ITGA8: variants seen among roughly 807,000 people sequenced by gnomAD.
ITGA8 encodes integrin alpha-8.
In ITGA8, 91 loss-of-function variants were observed where a neutral mutation model predicts 142.3. The observed-to-expected ratio is 0.64, with a 90% confidence interval of 0.54 to 0.76. The LOEUF (loss-of-function observed/expected upper bound fraction) is 0.76, where lower values mean the gene tolerates loss of function less well. ITGA8 is among the 30% of genes least tolerant of loss of function. ITGA8 has a pLI of 0.00. For missense variants in ITGA8, 1,406 were observed against 1,327.7 expected, an observed-to-expected ratio of 1.06 and a Z score of -0.92; for synonymous variants, 505 against 485.2, an observed-to-expected ratio of 1.04 and a Z score of -0.54.
chr10:15,719,643 C>A lies in ITGA8; in HGVS notation c.129G>T (p.Val43=). The change falls in exon 1 of 30, where the codon GTG becomes GTT. Residue 43 remains valine (V), a synonymous_variant. Coordinates refer to ENST00000378076, the MANE Select transcript of ITGA8 (RefSeq NM_003638.3). ...GGCCGCTGTACACTGTGAGCTTTTCCACGTCCAGGTTGAACGCCTGACAGG... is the reference window on the plus strand; with the variant it reads ...GGCCGCTGTACACTGTGAGCTTTTCAACGTCCAGGTTGAACGCCTGACAGG... ...SPACQAFNLD[V]EKLTVYSGPK... is the part of the protein sequence containing the mutation. The A allele has an allele frequency of 6.5e-7, 1 of 1,534,660 alleles. No individual in the cohort carries two copies. Among genetic ancestry groups the A allele is most frequent in the Admixed American group, 2.2e-5 (1 of 44,524 alleles).
At chr10:15,717,848 A>G (rs529330109) in intron 2 of ITGA8, among the ~76,000 whole-genome samples, 13 of 152,382 alleles carry the variant, frequency 8.5e-5, no homozygotes, top group African/African-American at 3.1e-4. Flanking sequence ...AATATTCCGC[A>G]TAAATTCCAT....
At chr10:15,712,256 A>G (rs757614997) in intron 2 of ITGA8, among the ~76,000 whole-genome samples, 4 of 152,170 alleles carry the variant, frequency 2.6e-5, no homozygotes, top group Non-Finnish European at 5.9e-5. Context: ...AATAAAACCA[A>G]TAATTAGTCT....
At chr10:15,597,162 G>T in intron 21 of ITGA8, 45 bp downstream of exon 21, 1 of 1,452,026 alleles carries the variant, frequency 6.9e-7, no homozygotes, top group Non-Finnish European at 9.7e-7. Context: ...TCCCTGTGAA[G>T]TCCAGTTAGA....
intron 25 of ITGA8, among the ~76,000 whole-genome samples, chr10:15,570,610 CAAAAAAAAAAA>C (rs931457896): frequency 1.5e-4 from 6 of 40,040 alleles, no homozygotes; most frequent in Non-Finnish European, 2.0e-4. Context: ...AACTCCATCT[CAAAAAAAAAAA>C]AAAAAAAAAA....
chr10:15,668,993 T>C (rs1180596847), intron 8 of ITGA8, among the ~76,000 whole-genome samples: 25 of 152,326 alleles, frequency 1.6e-4, no homozygotes, highest in Non-Finnish European at 5.9e-5. Context: ...GATAATTATG[T>C]GTCTTGGAGT....
At chr10:15,618,837 A>G (rs1189017935) in intron 13 of ITGA8, among the ~76,000 whole-genome samples, 5 of 152,128 alleles carry the variant, frequency 3.3e-5, no homozygotes, top group Non-Finnish European at 7.4e-5. Context: ...TCACCTTGTC[A>G]TCGTGTGAGT....
chr10:15,688,339 C>T lies in ITGA8; in HGVS notation c.344-301G>A, dbSNP rs182424485. The stretch of plus-strand genomic sequence containing the variant: ...AAAAAAAAAATGCTGGGCGTGGTGG[C>T]TTATGCCTGTAGTCCCAGCTACTTG... On this transcript the variant is annotated intron_variant, in intron 2 of 29. Coordinates refer to ENST00000378076, the MANE Select transcript of ITGA8 (RefSeq NM_003638.3). Among the ~76,000 whole-genome samples the T allele has an allele frequency of 7.8e-3, 1,144 of 146,354 alleles. 17 individuals are homozygous for T. Among genetic ancestry groups the T allele is most frequent in the African/African-American group, 0.027 (1,067 of 40,098 alleles).
At chr10:15,668,207 A>T (rs1241359609) in intron 8 of ITGA8, among the ~76,000 whole-genome samples, 1 of 152,134 alleles carries the variant, frequency 6.6e-6, no homozygotes, top group East Asian at 1.9e-4. Flanking sequence ...GTGCTTCTGT[A>T]TTGGGTGCAT....
chr10:15,702,790 C>G (rs745744303), intron 2 of ITGA8, among the ~76,000 whole-genome samples: 1 of 152,144 alleles, frequency 6.6e-6, no homozygotes, highest in Non-Finnish European at 1.5e-5. Context: ...AAAGGTAGGG[C>G]TCAAAACTAT....
chr10:15,678,073 G>T (rs1346617411), intron 5 of ITGA8, among the ~76,000 whole-genome samples: 5 of 152,160 alleles, frequency 3.3e-5, no homozygotes, highest in Non-Finnish European at 7.4e-5. Flanking sequence ...CCCCTTCTCA[G>T]GAGAAAGAGC....
At chr10:15,694,133 A>T (rs1046841350) in intron 2 of ITGA8, among the ~76,000 whole-genome samples, 4 of 142,824 alleles carry the variant, frequency 2.8e-5, no homozygotes, top group Non-Finnish European at 6.0e-5. Flanking sequence ...TCTATATTAT[A>T]TAGATAATAT....
At chr10:15,621,735 A>G (rs1220340303) in intron 13 of ITGA8, among the ~76,000 whole-genome samples, 1 of 152,126 alleles carries the variant, frequency 6.6e-6, no homozygotes, top group Non-Finnish European at 1.5e-5. Context: ...GCATGGTGGT[A>G]TAAAACCTGT....
rs529175673 is a variant in ITGA8 at position 15,667,902 on chromosome 10, G to C, written c.847+3701C>G. 3.9e-5 allele frequency among the ~76,000 whole-genome samples: 6 copies of C among 152,246 alleles called. No homozygotes were observed. The South Asian group carries it at 1.2e-3, about 32-fold the overall frequency. On this transcript the variant is annotated intron_variant, in intron 8 of 29. Coordinates refer to ENST00000378076, the MANE Select transcript of ITGA8 (RefSeq NM_003638.3). ...TGAGAGACAGTTTGTTATAATTTCT[G>C]TTCTTTTACATTTGCTGAGGAGTGC...
At chr10:15,522,407 A>G (rs1321449021) in intron 28 of ITGA8, among the ~76,000 whole-genome samples, 1 of 152,188 alleles carries the variant, frequency 6.6e-6, no homozygotes, top group African/African-American at 2.4e-5. Flanking sequence ...GTATTTCAAG[A>G]TGAACATAAT....
chr10:15,553,748 C>T (rs1023692128), intron 26 of ITGA8, among the ~76,000 whole-genome samples: 1 of 152,140 alleles, frequency 6.6e-6, no homozygotes, highest in Non-Finnish European at 1.5e-5. Flanking sequence ...CACCTGTAAT[C>T]CCAGCACTTT....
intron 25 of ITGA8, among the ~76,000 whole-genome samples, chr10:15,558,604 T>A (rs983018326): frequency 1.6e-4 from 25 of 152,120 alleles, no homozygotes. Context: ...GGGAGATGAA[T>A]CCTGAGGTGA....
At chr10:15,576,597 G>C (rs1186503205) in intron 23 of ITGA8, among the ~76,000 whole-genome samples, 1 of 152,008 alleles carries the variant, frequency 6.6e-6, no homozygotes, top group African/African-American at 2.4e-5. Context: ...TAATTAACAT[G>C]GCCTCTGGCA....
At chr10:15,641,084 C>T (rs1050271962) in intron 13 of ITGA8, among the ~76,000 whole-genome samples, 3 of 152,092 alleles carry the variant, frequency 2.0e-5, no homozygotes, top group East Asian at 1.9e-4. Flanking sequence ...GATGGAGTCT[C>T]GCCCTGTTGC....
intron 2 of ITGA8, among the ~76,000 whole-genome samples, chr10:15,712,350 G>A (rs949081600): frequency 3.3e-5 from 5 of 152,148 alleles, no homozygotes; most frequent in African/African-American, 1.2e-4. Context: ...GAGAGGCCAA[G>A]GCAGGCAGAT....
Sources: gnomAD v4.1 joint callset for allele counts (sites outside exome capture counted in the v4.1 genomes callset) on GRCh38, gnomAD v4.1.1 for gene constraint, MANE v1.5 for transcripts, NCBI Gene and HGNC (gene_info 2026-07-23, HGNC 2026-07-21) for gene names.